Variants in MUSK observed in about 807,000 individuals in gnomAD.
MUSK encodes the protein muscle associated receptor tyrosine kinase, also known as muscle, skeletal receptor tyrosine-protein kinase.
In MUSK, 55 loss-of-function variants were observed where a neutral mutation model predicts 88.7. The observed-to-expected ratio is 0.62, with a 90% CI of 0.50 to 0.78. The LOEUF (loss-of-function observed/expected upper bound fraction) is 0.78. MUSK is among the 30% of genes least tolerant of loss of function. MUSK has a pLI of 0.00. For missense variants in MUSK, 1,015 were observed against 1,074.3 expected (o/e 0.94, Z 0.77); for synonymous variants, 387 against 391.9 (o/e 0.99, Z 0.15).
intron 6 of MUSK, among the ~76,000 whole-genome samples, chr9:110,738,225 C>T (rs1199433259): frequency 6.6e-6 from 1 of 151,728 alleles, no homozygotes; most frequent in Non-Finnish European, 1.5e-5. Flanking sequence ...ATTATAATAC[C>T]ATCTTTCTAT....
Position 110,683,120 on chromosome 9 carries a change from C to G in MUSK, c.206+320C>G, listed in dbSNP as rs370001378. 8.8e-4 allele frequency among the ~76,000 whole-genome samples: 134 copies of G among 152,066 alleles called. 3 individuals carry two copies. The South Asian group carries it at 0.022, about 24-fold the overall frequency. ...CCCACTAAACATCCCCTACTCCCCC[C>G]GATCCCTGTACTACCCTTTCCAGCC... On this transcript the variant is annotated intron_variant, in intron 2 of 14. Coordinates refer to ENST00000374448, the MANE Select transcript of MUSK (RefSeq NM_005592.4).
chr9:110,800,319 C>G lies in MUSK; in HGVS notation c.1941C>G (p.Val647=). 6.2e-7 allele frequency: 1 copy of G among 1,607,662 alleles called. No individual in the cohort carries two copies. Among genetic ancestry groups the G allele is most frequent in the South Asian group, 1.1e-5 (1 of 90,600 alleles). The part of the protein sequence containing the change: ...NIVKLLGVCA[V]GKPMCLLFEY... ...TTTTGGTTCCAGGAGTGTGTGCTGT[C>G]GGGAAGCCAATGTGCCTGCTCTTTG... is the stretch of plus-strand genomic sequence containing the variant. Residue 647 remains valine, a synonymous_variant, in exon 15 of 15, where the codon GTC becomes GTG. Transcript: ENST00000374448.
intron 5 of MUSK, among the ~76,000 whole-genome samples, chr9:110,700,775 T>C (rs981588644): frequency 7.2e-5 from 11 of 152,144 alleles, no homozygotes; most frequent in Non-Finnish European, 7.3e-5. Flanking sequence ...CCAAGTAGAA[T>C]GATAAACTGT....
chr9:110,719,842 A>T (rs1298613124), intron 5 of MUSK, among the ~76,000 whole-genome samples: 1 of 152,128 alleles, frequency 6.6e-6, no homozygotes, highest in East Asian at 1.9e-4. Context: ...ATGATAGGCC[A>T]CAAAACAAGT....
At chr9:110,711,777 G>A (rs541686212) in intron 5 of MUSK, among the ~76,000 whole-genome samples, 32 of 152,222 alleles carry the variant, frequency 2.1e-4, no homozygotes, top group African/African-American at 6.5e-4. Flanking sequence ...TCACTTTGTC[G>A]TCAAGAATCT....
At chr9:110,756,118 G>A (rs1368202430) in intron 7 of MUSK, among the ~76,000 whole-genome samples, 4 of 151,226 alleles carry the variant, frequency 2.6e-5, no homozygotes, top group Non-Finnish European at 4.4e-5. Context: ...TGGCAGAACC[G>A]GTATTGAAAC....
intron 1 of MUSK, among the ~76,000 whole-genome samples, chr9:110,677,762 T>C (rs1161733209): frequency 6.6e-6 from 1 of 152,144 alleles, no homozygotes; most frequent in African/African-American, 2.4e-5. Flanking sequence ...TTGAGAAACA[T>C]TATTTATCAT....
chr9:110,760,491 A>G (rs1165608984), intron 7 of MUSK, among the ~76,000 whole-genome samples: 1 of 152,148 alleles, frequency 6.6e-6, no homozygotes, highest in Non-Finnish European at 1.5e-5. Flanking sequence ...GTTCCCACTT[A>G]TAAGTGGGAG....
At chr9:110,800,028 T>A (rs2078066708) in intron 14 of MUSK, among the ~76,000 whole-genome samples, 1 of 152,190 alleles carries the variant, frequency 6.6e-6, no homozygotes, top group Non-Finnish European at 1.5e-5. Flanking sequence ...CCATGTACGA[T>A]GTACTTATGA....
At chr9:110,771,160 T>A (rs1399894752) in intron 9 of MUSK, among the ~76,000 whole-genome samples, 1 of 99,060 alleles carries the variant, frequency 1.0e-5, no homozygotes, top group Non-Finnish European at 2.0e-5. Flanking sequence ...CTCATTTCCT[T>A]CTTTTTTTTT....
chr9:110,685,828 T>C (rs184269623), intron 2 of MUSK, among the ~76,000 whole-genome samples: 1 of 152,284 alleles, frequency 6.6e-6, no homozygotes, highest in Non-Finnish European at 1.5e-5. Context: ...ATTAACAGTC[T>C]CTTTGAGGAA....
rs748922669 is a variant in MUSK at position 110,800,662 on chromosome 9, G to A, written c.2284G>A (p.Asp762Asn). The A allele has an allele frequency of 6.2e-7, 1 of 1,613,888 alleles. No homozygotes were observed. The highest frequency in any genetic ancestry group is 1.1e-5 in the South Asian group (1 of 91,070). Reference protein sequence around the residue: ...SADYYKANENDAIPIRWMPPE... With the variant: ...SADYYKANENNAIPIRWMPPE... ...AGACTACTACAAAGCTAATGAAAAC[G>A]ACGCTATCCCTATCCGTTGGATGCC... The change falls in exon 15 of 15, where the codon GAC becomes AAC. Residue 762 changes from aspartate (D) to asparagine (N), a missense_variant. Coordinates refer to ENST00000374448, the MANE Select transcript of MUSK (RefSeq NM_005592.4).
chr9:110,685,392 A>G (rs2076183920), intron 2 of MUSK, among the ~76,000 whole-genome samples: 1 of 152,034 alleles, frequency 6.6e-6, no homozygotes, highest in Non-Finnish European at 1.5e-5. Flanking sequence ...TAGGCCAATA[A>G]TCCCAAATCA....
chr9:110,710,780 T>C (rs887778793), intron 5 of MUSK, among the ~76,000 whole-genome samples: 1 of 152,170 alleles, frequency 6.6e-6, no homozygotes, highest in Non-Finnish European at 1.5e-5. Context: ...CCTTCGTGTG[T>C]ATCCTGAGCT....
intron 5 of MUSK, among the ~76,000 whole-genome samples, chr9:110,700,251 A>G (rs962362556): frequency 6.6e-6 from 1 of 152,216 alleles, no homozygotes; most frequent in Non-Finnish European, 1.5e-5. Flanking sequence ...AATTCTCACT[A>G]AAAGTCTGTA....
chr9:110,772,536 T>C (rs1374889227), intron 9 of MUSK, among the ~76,000 whole-genome samples: 5 of 151,986 alleles, frequency 3.3e-5, no homozygotes, highest in African/African-American at 1.2e-4. Context: ...TTTTACATTT[T>C]AATATTTTAT....
chr9:110,767,935 G>C lies in MUSK; in HGVS notation c.1036G>C (p.Glu346Gln). Residue 346 changes from glutamate to glutamine, a missense_variant, in exon 9 of 15, where the codon GAG becomes CAG. Transcript: ENST00000374448. Reference protein sequence around the residue: ...FLNTSYADPEEAQELLVHTAW... With the variant: ...FLNTSYADPEQAQELLVHTAW... ...CAACACCTCCTATGCGGACCCTGAG[G>C]AGGCCCAAGAGCTACTGGTCCACAC... is the stretch of plus-strand genomic sequence containing the variant. The C allele has an allele frequency of 6.2e-7, 1 of 1,613,884 alleles. No individual in the cohort carries two copies. Among genetic ancestry groups the C allele is most frequent in the Non-Finnish European group, 8.5e-7 (1 of 1,179,886 alleles).
At chr9:110,681,029 T>TTAA (rs2076107528) in intron 1 of MUSK, among the ~76,000 whole-genome samples, 1 of 10,824 alleles carries the variant, frequency 9.2e-5, no homozygotes, top group African/African-American at 7.9e-4. Context: ...ATATTATATA[T>TTAA]TATATATTAT....
intron 3 of MUSK, 112 bp from the exon 4 acceptor site, chr9:110,695,291 A>G (rs1318770444): frequency 4.0e-6 from 3 of 740,782 alleles, no homozygotes; most frequent in Non-Finnish European, 6.1e-6. Context: ...GTAATGTAAC[A>G]TGCCTCAAAT....
Sources: gnomAD v4.1 joint callset for allele counts (sites outside exome capture counted in the v4.1 genomes callset) on GRCh38, gnomAD v4.1.1 for gene constraint, MANE v1.5 for transcripts, NCBI Gene and HGNC (gene_info 2026-07-23, HGNC 2026-07-21) for gene names.